The following ITGAX variants were observed in gnomAD, a reference collection of about 807,000 sequenced individuals.
ITGAX encodes the protein integrin alpha-X.
Under a neutral mutation model 140.2 loss-of-function variants are expected in ITGAX, and 99 were observed. The ratio of observed to expected loss-of-function variants is 0.71; its 90% CI spans 0.60 to 0.83. The LOEUF (loss-of-function observed/expected upper bound fraction) is 0.83, where lower values mean the gene tolerates loss of function less well. Ranked by LOEUF, ITGAX falls within the 40% of genes least tolerant of loss-of-function variation. The probability of loss-of-function intolerance (pLI) is 0.00; values close to 1 mark genes in which losing one functional copy is unlikely to be tolerated. For synonymous variants in ITGAX, 631 were observed against 600.4 expected (o/e 1.05, Z -0.75); for missense variants, 1,444 against 1,482.0 (o/e 0.97, Z 0.42).
chr16:31,357,828 CAT>C, intron 5 of ITGAX: 1 of 382,956 alleles, frequency 2.6e-6, no homozygotes, highest in Non-Finnish European at 4.6e-6. Context: ...TGTGTGTGTA[CAT>C]GTGTGTATAT....
intron 14 of ITGAX, among the ~76,000 whole-genome samples, chr16:31,368,597 T>G (rs1430551910): frequency 1.3e-5 from 2 of 151,558 alleles, no homozygotes; most frequent in Non-Finnish European, 2.9e-5. Flanking sequence ...TTTTTATTTT[T>G]TATTTATTTT....
rs11574638 is a variant in ITGAX at position 31,360,608 on chromosome 16, C to T, written c.861+145C>T. 2.5e-4 allele frequency: 183 copies of T among 732,142 alleles called. 1 individual carries two copies. The African/African-American group carries it at 2.8e-3, about 11-fold the overall frequency. The allele number at this position is 732,142 out of a possible 1,614,324, so 45.4% of individuals were successfully genotyped here. On this transcript the variant is annotated intron_variant, in intron 8 of 29. Coordinates refer to ENST00000268296, the MANE Select transcript of ITGAX (RefSeq NM_000887.5). ...AATCCTAGCTCACTGCAGCCTTGAA[C>T]TCCTGGGCTCCAGTGATCCTCCCAC...
chr16:31,375,357 T>C (rs2081010641), intron 20 of ITGAX, among the ~76,000 whole-genome samples: 1 of 152,288 alleles, frequency 6.6e-6, no homozygotes, highest in Admixed American at 6.5e-5. Flanking sequence ...TGGCCCCCTT[T>C]CCCTCTCACT....
intron 5 of ITGAX, chr16:31,358,126 C>T (rs1338490342): frequency 2.0e-5 from 3 of 152,130 alleles, no homozygotes; most frequent in African/African-American, 7.2e-5. Flanking sequence ...CCTGGGCACC[C>T]ATCAGAATGC....
Position 31,380,509 on chromosome 16 carries a change from C to G in ITGAX, c.3175-14C>G, listed in dbSNP as rs774957718. 15 of 1,614,222 alleles carry G rather than the reference C, an allele frequency of 9.3e-6. No homozygotes were observed. Among genetic ancestry groups the G allele is most frequent in the Non-Finnish European group, 1.3e-5 (15 of 1,180,022 alleles). ...CAGAGCCAGTTCAACAGGTTTCCCC[C>G]AACCCCTTTGCAGATATTGCAGAAG... is the stretch of plus-strand genomic sequence containing the variant. On this transcript the variant is annotated splice_polypyrimidine_tract_variant and intron_variant, in intron 27 of 29. Coordinates refer to ENST00000268296, the MANE Select transcript of ITGAX (RefSeq NM_000887.5).
intron 14 of ITGAX, among the ~76,000 whole-genome samples, chr16:31,368,454 C>T (rs2080914529): frequency 7.1e-6 from 1 of 141,182 alleles, no homozygotes; most frequent in African/African-American, 2.6e-5. Flanking sequence ...GCCGAGATCA[C>T]ACCACTGCAC....
intron 22 of ITGAX, 26 bp from the exon 23 acceptor site, chr16:31,377,156 C>T: frequency 6.2e-7 from 1 of 1,612,612 alleles, no homozygotes; most frequent in South Asian, 1.1e-5. Flanking sequence ...GGGCCTCTGG[C>T]AACTGAGTCT....
At chr16:31,376,627 A>AAAACAAAC (rs1009409865) in intron 20 of ITGAX, among the ~76,000 whole-genome samples, 172 bp from the exon 21 acceptor site, 1 of 152,212 alleles carries the variant, frequency 6.6e-6, no homozygotes, top group South Asian at 2.1e-4. Context: ...CTGGTCTCAA[A>AAAACAAAC]AAACAAACAA....
intron 14 of ITGAX, among the ~76,000 whole-genome samples, chr16:31,363,932 A>G (rs911003340): frequency 2.0e-5 from 3 of 152,066 alleles, no homozygotes; most frequent in Admixed American, 2.0e-4. Context: ...GCTGCTCACC[A>G]CTTAGGTCCA....
At chr16:31,365,529 T>A (rs972477925) in intron 14 of ITGAX, among the ~76,000 whole-genome samples, 1 of 152,236 alleles carries the variant, frequency 6.6e-6, no homozygotes, top group Non-Finnish European at 1.5e-5. Flanking sequence ...CCAACCTTAT[T>A]GAGCTGCTGC....
intron 20 of ITGAX, among the ~76,000 whole-genome samples, 191 bp downstream of exon 20, chr16:31,373,581 T>C (rs1431162338): frequency 1.3e-5 from 2 of 152,244 alleles, no homozygotes; most frequent in Non-Finnish European, 1.5e-5. Context: ...GAGAGGCCAC[T>C]AATGTGGAGA....
At chr16:31,362,231 A>G (rs2080836185) in intron 11 of ITGAX, 27 bp downstream of exon 11, 4 of 1,474,176 alleles carry the variant, frequency 2.7e-6, no homozygotes, top group African/African-American at 2.9e-5. Context: ...GGTTGGGGAC[A>G]GGTGGGAGAT....
At position 31,373,264 on chromosome 16, in the gene ITGAX, G is replaced by A. The variant is rs1010181979; in HGVS notation, c.2382G>A (p.Leu794=). 11 of 1,612,662 alleles carry A rather than the reference G, an allele frequency of 6.8e-6. No homozygotes were observed. Among genetic ancestry groups the A allele is most frequent in the Non-Finnish European group, 9.3e-6 (11 of 1,179,372 alleles). ...SFSFPGLKSL[L]VGSNLELNAE... ...TGATACCCAGCTTGAAGTCCCTGCT[G>A]GTGGGGAGTAACCTGGAGCTGAACG... is the stretch of plus-strand genomic sequence containing the variant. The change falls in exon 20 of 30, where the codon CTG becomes CTA. Residue 794 remains leucine (L), a synonymous_variant. Coordinates refer to ENST00000268296, the MANE Select transcript of ITGAX (RefSeq NM_000887.5).
At position 31,371,455 on chromosome 16, in the gene ITGAX, T is replaced by G; in HGVS notation, c.1963T>G (p.Cys655Gly). The G allele has an allele frequency of 6.2e-7, 1 of 1,614,156 alleles. No homozygotes were observed. The highest frequency in any genetic ancestry group is 8.5e-7 in the Non-Finnish European group (1 of 1,180,014). Reference protein sequence around the residue: ...SEQTLVQSNICLYIDKRSKNL... With the variant: ...SEQTLVQSNIGLYIDKRSKNL... ...GCAGACCCTGGTACAGTCCAACATC[T>G]GCCTTTACATTGACAAACGTTCTAA... Residue 655 changes from cysteine to glycine, a missense_variant, in exon 16 of 30, where the codon TGC (cysteine) becomes GGC (glycine). Physicochemically the swap from Cys to Gly is radical, Grantham distance 159. Transcript: ENST00000268296.
At position 31,362,103 on chromosome 16, in the gene ITGAX, G is replaced by T. The variant is rs1202460587; in HGVS notation, c.1115G>T (p.Ser372Ile). The change falls in exon 11 of 30, where the codon AGC becomes ATC. Residue 372 changes from serine to isoleucine, a missense_variant. Transcript: ENST00000268296. ...GGCCCCGTTCTGGGGGCTGTGGGGAGCTTCACCTGGTCTGGAGGTGCCTTC... is the reference window on the plus strand; with the variant it reads ...GGCCCCGTTCTGGGGGCTGTGGGGATCTTCACCTGGTCTGGAGGTGCCTTC... ...PDGPVLGAVG[S>I]FTWSGGAFLY... 5 of 1,614,128 alleles carry T rather than the reference G, an allele frequency of 3.1e-6. No homozygotes were observed. The highest frequency in any genetic ancestry group is 4.2e-6 in the Non-Finnish European group (5 of 1,179,996).
intron 14 of ITGAX, among the ~76,000 whole-genome samples, chr16:31,369,111 T>C (rs1016207120): frequency 2.6e-5 from 4 of 152,234 alleles, no homozygotes; most frequent in South Asian, 2.1e-4. Flanking sequence ...CCGTTCTCAA[T>C]GAGCTGTTGG....
intron 14 of ITGAX, among the ~76,000 whole-genome samples, chr16:31,370,476 C>T (rs891962265): frequency 6.6e-6 from 1 of 151,880 alleles, no homozygotes; most frequent in Non-Finnish European, 1.5e-5. Flanking sequence ...CAGCAAGAAA[C>T]AAAAAGGGGA....
chr16:31,358,417 A>T (rs2080785726), intron 5 of ITGAX: 1 of 152,082 alleles, frequency 6.6e-6, no homozygotes, highest in Non-Finnish European at 1.5e-5. Flanking sequence ...ACATAGTGAG[A>T]CCTCATCTCT....
intron 14 of ITGAX, among the ~76,000 whole-genome samples, chr16:31,367,901 T>G (rs191062307): frequency 3.9e-5 from 6 of 152,352 alleles, no homozygotes; most frequent in Non-Finnish European, 5.9e-5. Flanking sequence ...ATTCACCATT[T>G]TAGATGCCAT....
Sources: gnomAD v4.1 joint callset for allele counts (sites outside exome capture counted in the v4.1 genomes callset) on GRCh38, gnomAD v4.1.1 for gene constraint, MANE v1.5 for transcripts, NCBI Gene and HGNC (gene_info 2026-07-23, HGNC 2026-07-21) for gene names.